The following CADM2 variants were observed in gnomAD, a reference collection of about 807,000 sequenced individuals.
The protein encoded by CADM2 is cell adhesion molecule 2.
In CADM2, 12 loss-of-function variants were observed where a neutral mutation model predicts 49.8. The observed-to-expected ratio is 0.24, with a 90% CI of 0.15 to 0.39. CADM2 has a LOEUF of 0.39. CADM2 is among the 10% of genes least tolerant of loss of function. The pLI is 1.00. For synonymous variants in CADM2, 214 were observed against 175.4 expected, an observed-to-expected ratio of 1.22 and a Z score of -1.74; for missense variants, 378 against 492.3, an observed-to-expected ratio of 0.77 and a Z score of 2.20.
chr3:85,106,602 A>G (rs965715093), intron 1 of CADM2, among the ~76,000 whole-genome samples: 22 of 152,304 alleles, frequency 1.4e-4, no homozygotes, highest in African/African-American at 4.8e-4. Context: ...TCCTTCTATC[A>G]ATGATCTAAT....
rs550784247 is a variant in CADM2 at position 85,349,259 on chromosome 3, G to T, written c.62-377263G>T. On this transcript the variant is annotated intron_variant, in intron 1 of 9. Transcript: ENST00000383699. ...TTCAGAGGTTTAACCATAAGTGAAAGAGTTAAATGAAATGGAATTGTCTTT... is the reference window on the plus strand; with the variant it reads ...TTCAGAGGTTTAACCATAAGTGAAATAGTTAAATGAAATGGAATTGTCTTT... Among the ~76,000 whole-genome samples, 27 of 152,266 alleles carry T rather than the reference G, an allele frequency of 1.8e-4. No homozygotes were observed. The South Asian group carries it at 5.2e-3, about 29-fold the overall frequency.
intron 3 of CADM2, among the ~76,000 whole-genome samples, chr3:85,838,956 A>G: frequency 6.6e-6 from 1 of 151,968 alleles, no homozygotes; most frequent in Middle Eastern, 3.4e-3. Context: ...AAAATTTCAG[A>G]TGTTTTGGAC....
Position 85,924,866 on chromosome 3 carries a change from A to T in CADM2, c.701-10901A>T, listed in dbSNP as rs559882113. Reference sequence around the variant, plus strand: ...GCTTCTAACATAAAGTCCAAACTCTACAGCTTGACATTCAAGGCTTTTAAA... The same window carrying T: ...GCTTCTAACATAAAGTCCAAACTCTTCAGCTTGACATTCAAGGCTTTTAAA... On this transcript the variant is annotated intron_variant, in intron 6 of 9. Coordinates refer to ENST00000383699, the MANE Select transcript of CADM2 (RefSeq NM_001167675.2). 5.9e-5 allele frequency among the ~76,000 whole-genome samples: 9 copies of T among 152,274 alleles called. 1 individual carries two copies. The highest frequency in any genetic ancestry group is 2.2e-4 in the African/African-American group (9 of 41,554).
chr3:85,341,825 T>C (rs2045247180), intron 1 of CADM2, among the ~76,000 whole-genome samples: 1 of 152,096 alleles, frequency 6.6e-6, no homozygotes, highest in Non-Finnish European at 1.5e-5. Context: ...TTGAATATCA[T>C]TTACTTGGCT....
At chr3:85,347,242 AAAAAAAAAG>A (rs1238557910) in intron 1 of CADM2, among the ~76,000 whole-genome samples, 6 of 149,394 alleles carry the variant, frequency 4.0e-5, no homozygotes, top group African/African-American at 1.2e-4. Context: ...AAAAAAAAAA[AAAAAAAAAG>A]AATTGCAAAT....
chr3:85,651,522 A>T lies in CADM2; in HGVS notation c.62-75000A>T, dbSNP rs1338787542. ...TGATAGAAATAATTTTTAGGAAGAA[A>T]ATAAAGACTGCTCCAATAAGACTCA... On this transcript the variant is annotated intron_variant, in intron 1 of 9. Transcript: ENST00000383699. Among the ~76,000 whole-genome samples the T allele has an allele frequency of 2.4e-4, 37 of 152,200 alleles. 1 individual carries two copies. The highest frequency in any genetic ancestry group is 2.4e-3 in the Admixed American group (37 of 15,278).
intron 1 of CADM2, among the ~76,000 whole-genome samples, chr3:85,228,904 T>G (rs912330851): frequency 1.3e-5 from 2 of 152,168 alleles, no homozygotes; most frequent in Non-Finnish European, 2.9e-5. Context: ...CATTTAAGTC[T>G]GCCGAAGCTT....
chr3:86,015,395 A>C (rs914542470), intron 8 of CADM2, among the ~76,000 whole-genome samples: 6 of 152,204 alleles, frequency 3.9e-5, no homozygotes, highest in African/African-American at 1.4e-4. Context: ...AGGTCATTTT[A>C]GACATAGCAT....
At chr3:86,007,955 C>A (rs113809358) in intron 8 of CADM2, among the ~76,000 whole-genome samples, 1,770 of 152,208 alleles carry the variant, frequency 0.012, 31 homozygotes, top group African/African-American at 0.04. Context: ...GATCAAAATA[C>A]AGCTAAGAGG....
intron 1 of CADM2, among the ~76,000 whole-genome samples, chr3:85,161,688 AG>A (rs2040329247): frequency 6.6e-6 from 1 of 152,174 alleles, no homozygotes; most frequent in Non-Finnish European, 1.5e-5. Context: ...GAAGGTGGAT[AG>A]GTGTGTATTA....
At chr3:85,689,792 TA>T (rs1273899998) in intron 1 of CADM2, among the ~76,000 whole-genome samples, 1 of 152,210 alleles carries the variant, frequency 6.6e-6, no homozygotes, top group Non-Finnish European at 1.5e-5. Context: ...AGACTAGACT[TA>T]AAGCAGTGCC....
intron 1 of CADM2, among the ~76,000 whole-genome samples, chr3:85,440,271 T>C (rs1197024157): frequency 1.3e-5 from 2 of 152,280 alleles, no homozygotes; most frequent in Non-Finnish European, 2.9e-5. Context: ...ACTACATAAC[T>C]GTAAAACTCA....
intron 1 of CADM2, among the ~76,000 whole-genome samples, chr3:85,314,710 C>T (rs2044424624): frequency 6.6e-6 from 1 of 151,980 alleles, no homozygotes; most frequent in Non-Finnish European, 1.5e-5. Context: ...ACTGGTAAAA[C>T]CCATGTCTCA....
intron 3 of CADM2, among the ~76,000 whole-genome samples, chr3:85,850,011 A>T (rs2075034325): frequency 6.6e-6 from 1 of 152,328 alleles, no homozygotes; most frequent in South Asian, 2.1e-4. Flanking sequence ...AAGAATTGGT[A>T]AAAAGGAATG....
chr3:85,542,394 C>G (rs2061570864), intron 1 of CADM2, among the ~76,000 whole-genome samples: 1 of 152,130 alleles, frequency 6.6e-6, no homozygotes, highest in Non-Finnish European at 1.5e-5. Context: ...GATACTGTAA[C>G]AGCTCCTTCA....
intron 1 of CADM2, among the ~76,000 whole-genome samples, chr3:85,258,045 T>C (rs145177019): frequency 1.7e-4 from 26 of 152,124 alleles, no homozygotes; most frequent in African/African-American, 6.0e-4. Flanking sequence ...AATGTACAAG[T>C]GCAAAAAAGG....
intron 1 of CADM2, among the ~76,000 whole-genome samples, chr3:85,536,574 CTCTGAGGTGGT>C (rs1275424692): frequency 2.4e-4 from 36 of 151,764 alleles, no homozygotes; most frequent in Admixed American, 1.6e-3. Context: ...AAGATATTTA[CTCTGAGGTGGT>C]TCTGACTTGC....
chr3:85,550,605 TAAAGA>T (rs1469916330), intron 1 of CADM2, among the ~76,000 whole-genome samples: 3 of 152,160 alleles, frequency 2.0e-5, no homozygotes, highest in South Asian at 4.1e-4. Flanking sequence ...CACCACAAAT[TAAAGA>T]AATTTATTCT....
At chr3:85,287,168 C>G (rs1285294447) in intron 1 of CADM2, among the ~76,000 whole-genome samples, 1 of 152,070 alleles carries the variant, frequency 6.6e-6, no homozygotes, top group East Asian at 1.9e-4. Flanking sequence ...AACATCAAAT[C>G]AGCAAGGAGT....
Sources: allele counts gnomAD v4.1 joint callset (sites outside exome capture counted in the v4.1 genomes callset), GRCh38; gene constraint gnomAD v4.1.1; transcripts MANE v1.5; gene names NCBI Gene and HGNC (gene_info 2026-07-23, HGNC 2026-07-21).